Variants in TAFA2 observed in about 807,000 individuals in gnomAD.
TAFA2 encodes the protein TAFA chemokine like family member 2.
A neutral mutation model predicts 18.8 loss-of-function variants in TAFA2; 7 were observed. The ratio of observed to expected loss-of-function variants is 0.37; its 90% confidence interval spans 0.21 to 0.70. The LOEUF (loss-of-function observed/expected upper bound fraction) is 0.70. TAFA2 is among the 30% of genes least tolerant of loss of function. The pLI is 0.53. For missense variants in TAFA2, 122 were observed against 158.1 expected (o/e 0.77, Z 1.23); for synonymous variants, 60 against 54.2 (o/e 1.11, Z -0.47).
intron 1 of TAFA2, among the ~76,000 whole-genome samples, chr12:62,180,679 C>A (rs1420081452): frequency 5.9e-5 from 9 of 151,696 alleles, no homozygotes; most frequent in Non-Finnish European, 2.9e-5. Flanking sequence ...AAAATGAAAT[C>A]AATAAATATC....
intron 2 of TAFA2, among the ~76,000 whole-genome samples, chr12:61,843,178 AT>A (rs1873260713): frequency 6.6e-6 from 1 of 152,098 alleles, no homozygotes; most frequent in Non-Finnish European, 1.5e-5. Flanking sequence ...AAAGAGGGCA[AT>A]CATGAAAAGT....
chr12:61,889,056 C>T (rs1352164391), intron 1 of TAFA2, among the ~76,000 whole-genome samples: 2 of 152,098 alleles, frequency 1.3e-5, no homozygotes, highest in Non-Finnish European at 2.9e-5. Context: ...AGGAAAGTTA[C>T]CACAACTCCT....
intron 1 of TAFA2, among the ~76,000 whole-genome samples, chr12:61,917,174 T>A (rs1043811010): frequency 6.6e-6 from 1 of 152,192 alleles, no homozygotes; most frequent in African/African-American, 2.4e-5. Flanking sequence ...ACAGCACAGA[T>A]CTGAAGTTGT....
chr12:62,135,061 C>T (rs570347167), intron 1 of TAFA2, among the ~76,000 whole-genome samples: 1 of 152,176 alleles, frequency 6.6e-6, no homozygotes, highest in African/African-American at 2.4e-5. Flanking sequence ...TGCAATAATT[C>T]CATGTCATAA....
intron 1 of TAFA2, among the ~76,000 whole-genome samples, chr12:62,096,268 A>G (rs181063990): frequency 1.3e-5 from 2 of 152,230 alleles, no homozygotes; most frequent in African/African-American, 4.8e-5. Context: ...CTCTTTCAAA[A>G]GCCAAGCATC....
chr12:61,755,120 T>C, intron 2 of TAFA2, 96 bp from the exon 3 acceptor site: 3 of 1,122,800 alleles, frequency 2.7e-6, no homozygotes, highest in Non-Finnish European at 3.8e-6. Flanking sequence ...TATAGCTCTA[T>C]AAGGGGTCCA....
At chr12:62,019,851 A>G (rs78838425) in intron 1 of TAFA2, among the ~76,000 whole-genome samples, 14,155 of 152,168 alleles carry the variant, frequency 0.093, 799 homozygotes, top group East Asian at 0.18. Flanking sequence ...ATAAAATAAA[A>G]TAAAATTTAT....
chr12:61,760,348 G>A (rs1364733480), intron 2 of TAFA2, among the ~76,000 whole-genome samples: 1 of 89,308 alleles, frequency 1.1e-5, no homozygotes, highest in Non-Finnish European at 2.4e-5. Context: ...CATTGGCATT[G>A]GTAGGAAAAA....
chr12:61,982,076 G>T (rs552303218), intron 1 of TAFA2, among the ~76,000 whole-genome samples: 1 of 152,152 alleles, frequency 6.6e-6, no homozygotes, highest in South Asian at 2.1e-4. Flanking sequence ...TTAAGAAAAT[G>T]TGGCACATAT....
At chr12:61,842,216 G>A (rs1027687788) in intron 2 of TAFA2, among the ~76,000 whole-genome samples, 32 of 151,674 alleles carry the variant, frequency 2.1e-4, no homozygotes, top group African/African-American at 7.7e-4. Context: ...AGAAAGAAGA[G>A]AACAAAAATA....
intron 4 of TAFA2, among the ~76,000 whole-genome samples, chr12:61,733,414 T>C (rs1170841289): frequency 6.6e-6 from 1 of 152,098 alleles, no homozygotes; most frequent in Non-Finnish European, 1.5e-5. Context: ...AGGTCTAACG[T>C]TTAAGTCTTT....
intron 1 of TAFA2, among the ~76,000 whole-genome samples, chr12:62,095,282 T>C (rs1045569954): frequency 1.3e-5 from 2 of 152,064 alleles, no homozygotes; most frequent in African/African-American, 4.8e-5. Flanking sequence ...AGGGATATAA[T>C]TGCCACCCTG....
chr12:61,722,791 C>A (rs1869966868), intron 4 of TAFA2, among the ~76,000 whole-genome samples: 1 of 152,010 alleles, frequency 6.6e-6, no homozygotes, highest in Non-Finnish European at 1.5e-5. Flanking sequence ...CTCTTGGTCC[C>A]ACTACTACAC....
chr12:61,951,617 A>G, intron 1 of TAFA2, among the ~76,000 whole-genome samples: 1 of 152,092 alleles, frequency 6.6e-6, no homozygotes, highest in South Asian at 2.1e-4. Flanking sequence ...TATAGAAGGA[A>G]AGGACATGAA....
At chr12:61,793,874 G>A (rs999128398) in intron 2 of TAFA2, among the ~76,000 whole-genome samples, 3 of 151,868 alleles carry the variant, frequency 2.0e-5, no homozygotes, top group Non-Finnish European at 2.9e-5. Flanking sequence ...ACATAAAAAC[G>A]ATAACACAAA....
intron 1 of TAFA2, among the ~76,000 whole-genome samples, chr12:61,893,436 C>T (rs892792968): frequency 2.6e-4 from 40 of 152,144 alleles, no homozygotes; most frequent in African/African-American, 8.7e-4. Flanking sequence ...TATGGGAGCA[C>T]GTAGGGTTGG....
chr12:61,733,574 G>C (rs1162043154), intron 4 of TAFA2, among the ~76,000 whole-genome samples: 3 of 148,300 alleles, frequency 2.0e-5, no homozygotes, highest in Non-Finnish European at 4.5e-5. Flanking sequence ...TCAAAGATCA[G>C]ATAGTTGTAG....
intron 1 of TAFA2, among the ~76,000 whole-genome samples, chr12:62,199,786 G>A (rs1231647200): frequency 3.9e-5 from 6 of 152,052 alleles, no homozygotes; most frequent in Admixed American, 3.9e-4. Context: ...TGGCATTGCT[G>A]GGTCAAATGG....
At chr12:62,078,660 C>T (rs76948415) in intron 1 of TAFA2, among the ~76,000 whole-genome samples, 2,860 of 152,278 alleles carry the variant, frequency 0.019, 97 homozygotes, top group African/African-American at 0.065. Flanking sequence ...CTCGCTTCAG[C>T]TTCCTTAAAA....
Sources: gnomAD v4.1 joint callset for allele counts (sites outside exome capture counted in the v4.1 genomes callset) on GRCh38, gnomAD v4.1.1 for gene constraint, MANE v1.5 for transcripts, NCBI Gene and HGNC (gene_info 2026-07-23, HGNC 2026-07-21) for gene names.